PTPRR: variants seen among roughly 807,000 people sequenced by gnomAD.
The protein encoded by PTPRR is protein tyrosine phosphatase receptor type R, also known as receptor-type tyrosine-protein phosphatase R.
In PTPRR, 38 loss-of-function variants were observed where a neutral mutation model predicts 77.2. That is an observed-to-expected ratio of 0.49 (90% CI 0.38 to 0.65). The LOEUF is 0.65. Among genes scored for constraint, PTPRR ranks in the 30% least tolerant of loss-of-function variants. The pLI, the probability that PTPRR is intolerant of heterozygous loss-of-function variation, is 0.00. For synonymous variants in PTPRR, 299 were observed against 283.1 expected (o/e 1.06, Z -0.57); for missense variants, 744 against 799.2 (o/e 0.93, Z 0.83).
rs907959841 is a variant in PTPRR, at chr12:70,788,995, C to A, written c.358-24217G>T. 6 of 861,834 alleles carry A rather than the reference C, an allele frequency of 7.0e-6. No homozygotes were observed. The African/African-American group carries it at 7.2e-5, about 10-fold the overall frequency. The allele number at this position is 861,834 out of a possible 1,614,324, so 53.4% of individuals were successfully genotyped here. ...CCTGGTACTGTTTCTAGAGACACTGCGGATCCCAGGTCTACTGCAGCAGCC... is the reference window on the plus strand; with the variant it reads ...CCTGGTACTGTTTCTAGAGACACTGAGGATCCCAGGTCTACTGCAGCAGCC... On this transcript the variant is annotated intron_variant, in intron 2 of 13. Coordinates refer to ENST00000283228, the MANE Select transcript of PTPRR (RefSeq NM_002849.4).
intron 6 of PTPRR, among the ~76,000 whole-genome samples, chr12:70,741,128 A>T (rs1332991671): frequency 3.3e-5 from 5 of 152,332 alleles, no homozygotes; most frequent in Non-Finnish European, 7.3e-5. Flanking sequence ...AGTCATAAAA[A>T]AGAATCATTA....
intron 2 of PTPRR, among the ~76,000 whole-genome samples, chr12:70,873,230 T>C (rs1365316171): frequency 6.6e-6 from 1 of 152,178 alleles, no homozygotes; most frequent in Middle Eastern, 3.4e-3. Flanking sequence ...GACTTCACAG[T>C]GGAGCAAAAT....
intron 2 of PTPRR, among the ~76,000 whole-genome samples, chr12:70,796,980 T>C (rs561610876): frequency 6.6e-6 from 1 of 152,316 alleles, no homozygotes; most frequent in African/African-American, 2.4e-5. Context: ...ACTGCACCAC[T>C]GTACTCCAGC....
Position 70,758,450 on chromosome 12 carries a change from A to C in PTPRR, c.627+3021T>G, listed in dbSNP as rs749423431. Among the ~76,000 whole-genome samples the C allele has an allele frequency of 6.6e-4, 96 of 145,906 alleles. 1 individual carries two copies. Among genetic ancestry groups the C allele is most frequent in the Non-Finnish European group, 5.4e-4 (37 of 68,004 alleles). On this transcript the variant is annotated intron_variant, in intron 4 of 13. Coordinates refer to ENST00000283228, the MANE Select transcript of PTPRR (RefSeq NM_002849.4). ...GTTGCTCTATTCTTAAAGCCTTCAG[A>C]ATGGCTTTTAAACTGAGAATAAAGC...
chr12:70,828,049 C>T (rs914623006), intron 2 of PTPRR, among the ~76,000 whole-genome samples: 4 of 152,050 alleles, frequency 2.6e-5, no homozygotes, highest in South Asian at 2.1e-4. Context: ...GCGCTAATCC[C>T]GGTCATGAAG....
chr12:70,781,341 AG>A (rs1407269940), intron 2 of PTPRR, among the ~76,000 whole-genome samples: 1 of 152,224 alleles, frequency 6.6e-6, no homozygotes, highest in Non-Finnish European at 1.5e-5. Flanking sequence ...AGGAGTAGAG[AG>A]GTTCCAAAAG....
At chr12:70,694,429 A>G (rs1592679865) in intron 8 of PTPRR, among the ~76,000 whole-genome samples, 2 of 152,302 alleles carry the variant, frequency 1.3e-5, no homozygotes, top group Middle Eastern at 6.8e-3. Context: ...TGGATTGGAT[A>G]AAGAAAATGT....
chr12:70,694,413 C>T (rs1197216023), intron 8 of PTPRR, among the ~76,000 whole-genome samples: 1 of 152,002 alleles, frequency 6.6e-6, no homozygotes, highest in Non-Finnish European at 1.5e-5. Flanking sequence ...AGATGCCCAT[C>T]AACAGTGGAT....
chr12:70,667,631 T>G lies in PTPRR; in HGVS notation c.1498-5026A>C, dbSNP rs1370923440. 2.0e-5 allele frequency among the ~76,000 whole-genome samples: 3 copies of G among 152,170 alleles called. No homozygotes were observed. In the East Asian group the frequency reaches 5.8e-4, roughly 29 times the overall value. ...TCTTTGCTTCCTGTTGAATCTATCT[T>G]GAATGGATTCGTGTTTCATAAGCAA... On this transcript the variant is annotated intron_variant, in intron 10 of 13. Transcript: ENST00000283228.
chr12:70,717,081 G>A (rs1160332599), intron 6 of PTPRR, among the ~76,000 whole-genome samples: 1 of 152,138 alleles, frequency 6.6e-6, no homozygotes, highest in African/African-American at 2.4e-5. Flanking sequence ...AATATTCTTT[G>A]TTTCTCTAAC....
chr12:70,832,675 A>C (rs1892234869), intron 2 of PTPRR, among the ~76,000 whole-genome samples: 1 of 152,202 alleles, frequency 6.6e-6, no homozygotes, highest in African/African-American at 2.4e-5. Context: ...AGTCCCAGGG[A>C]TCATGTTGAG....
intron 10 of PTPRR, chr12:70,672,813 C>T: frequency 6.4e-7 from 1 of 1,565,010 alleles, no homozygotes; most frequent in Non-Finnish European, 8.7e-7. Flanking sequence ...GAGATGAAGT[C>T]CAGTGTGAAA....
At chr12:70,682,564 A>C (rs1266497604) in intron 10 of PTPRR, among the ~76,000 whole-genome samples, 1 of 151,204 alleles carries the variant, frequency 6.6e-6, no homozygotes, top group Admixed American at 6.6e-5. Context: ...ATGCTGTTTC[A>C]TATTCTGCAC....
At chr12:70,808,868 C>A (rs1336598067) in intron 2 of PTPRR, among the ~76,000 whole-genome samples, 1 of 152,164 alleles carries the variant, frequency 6.6e-6, no homozygotes, top group Non-Finnish European at 1.5e-5. Context: ...TCTTACTTAT[C>A]CTAAAATCCC....
intron 1 of PTPRR, among the ~76,000 whole-genome samples, chr12:70,919,673 G>GTTTTTTTTTTT (rs58439089): frequency 5.5e-5 from 6 of 110,078 alleles, no homozygotes; most frequent in Non-Finnish European, 9.6e-5. Context: ...AACTGTAATT[G>GTTTTTTTTTTT]TTTTTTTTTT....
intron 2 of PTPRR, among the ~76,000 whole-genome samples, chr12:70,864,813 T>C (rs539586829): frequency 1.3e-5 from 2 of 152,266 alleles, no homozygotes; most frequent in African/African-American, 4.8e-5. Flanking sequence ...ATGATTTTGT[T>C]GCTGTTGTTG....
chr12:70,850,507 C>A (rs1362861970), intron 2 of PTPRR, among the ~76,000 whole-genome samples: 1 of 152,162 alleles, frequency 6.6e-6, no homozygotes, highest in Non-Finnish European at 1.5e-5. Context: ...GTTTTCCCAT[C>A]ACCGATTTCT....
chr12:70,844,396 C>T (rs1892449267), intron 2 of PTPRR, among the ~76,000 whole-genome samples: 1 of 152,124 alleles, frequency 6.6e-6, no homozygotes, highest in South Asian at 2.1e-4. Context: ...TTATTCCCTA[C>T]TGTGATTGAA....
intron 5 of PTPRR, among the ~76,000 whole-genome samples, chr12:70,747,686 CT>C (rs1890257539): frequency 6.6e-6 from 1 of 152,188 alleles, no homozygotes; most frequent in African/African-American, 2.4e-5. Context: ...CATCTGTTTA[CT>C]TCATGTCTGG....
Sources: gnomAD v4.1 joint callset for allele counts (sites outside exome capture counted in the v4.1 genomes callset) on GRCh38, gnomAD v4.1.1 for gene constraint, MANE v1.5 for transcripts, NCBI Gene and HGNC (gene_info 2026-07-23, HGNC 2026-07-21) for gene names.